ATP8B1: variants seen among roughly 807,000 people sequenced by gnomAD.
ATP8B1 encodes the protein ATPase phospholipid transporting 8B1, also known as phospholipid-transporting ATPase IC.
A neutral mutation model predicts 149.9 loss-of-function variants in ATP8B1; 80 were observed. The observed-to-expected ratio is 0.53, with a 90% confidence interval of 0.45 to 0.64. The LOEUF is 0.64. ATP8B1 is among the 30% of genes least tolerant of loss of function. The pLI, the probability that ATP8B1 is intolerant of heterozygous loss-of-function variation, is 0.00. For synonymous variants in ATP8B1, 536 were observed against 562.8 expected (o/e 0.95, Z 0.67); for missense variants, 1,247 against 1,552.6 (o/e 0.80, Z 3.31).
At chr18:57,659,700 G>A (rs1407678568) in intron 22 of ATP8B1, 1 of 150,266 alleles carries the variant, frequency 6.7e-6, no homozygotes, top group Non-Finnish European at 1.5e-5. Context: ...AACTGCTAGT[G>A]ACCACAGACA....
intron 1 of ATP8B1, among the ~76,000 whole-genome samples, chr18:57,761,157 C>T (rs1168274186): frequency 6.1e-5 from 8 of 131,586 alleles, no homozygotes; most frequent in Non-Finnish European, 1.4e-4. Context: ...AATAAAGAAG[C>T]CCTGAACTCA....
intron 1 of ATP8B1, chr18:57,740,536 A>G (rs1217367684): frequency 6.7e-6 from 1 of 149,866 alleles, no homozygotes; most frequent in Non-Finnish European, 1.5e-5. Context: ...TGAGTGTGGC[A>G]TACACATGAG....
rs765996573 is a variant in ATP8B1 at position 57,692,002 on chromosome 18, A to G, written c.1030-5T>C. ...CAGAATAAGAACAACAAAGATCTAG[A>G]AGACAGAAAACATTTAAATGCATTC... On this transcript the variant is annotated splice_polypyrimidine_tract_variant and splice_region_variant and intron_variant, in intron 11 of 27. Transcript: ENST00000648908. The G allele has an allele frequency of 1.2e-6, 2 of 1,610,022 alleles. No individual in the cohort carries two copies. Among genetic ancestry groups the G allele is most frequent in the South Asian group, 2.2e-5 (2 of 90,178 alleles).
Position 57,668,513 on chromosome 18 carries a change from T to TGCCTTCAATAGCTGTAGCTC in ATP8B1, c.2124_2125insGAGCTACAGCTATTGAAGGC (p.Lys709GlufsTer41). 6.6e-7 allele frequency: 1 copy of TGCCTTCAATAGCTGTAGCTC among 1,523,946 alleles called. No individual in the cohort carries two copies. The highest frequency in any genetic ancestry group is 2.4e-5 in the East Asian group (1 of 41,918). The allele number at this position is 1,523,946 out of a possible 1,614,324, so 94.4% of individuals were successfully genotyped here. On this transcript the variant is annotated frameshift_variant, in exon 19 of 28. Coordinates refer to ENST00000648908, the MANE Select transcript of ATP8B1 (RefSeq NM_001374385.1). LOFTEE classifies it high-confidence loss of function. ...GTTTCTGGAACTCCATCCTGTAGCT[T>TGCCTTCAATAGCTGTAGCTC]GTCTTCAATAGCTGTAGCTCCCAGG...
rs1322032849 is a variant in ATP8B1, at chr18:57,802,514, A to G, written c.-26+484T>C. On this transcript the variant is annotated intron_variant, in intron 1 of 27. Coordinates refer to ENST00000648908, the MANE Select transcript of ATP8B1 (RefSeq NM_001374385.1). This position sits in a 1 kb window ranked among gnomAD's most constrained non-coding sequence, Gnocchi z 4.9. ...CTCCCGGCAGGTGGGCCGCGGTCAG[A>G]TACGTTTGGCCCGCAAGTCCTTTTC... is the stretch of plus-strand genomic sequence containing the variant. Among the ~76,000 whole-genome samples the G allele has an allele frequency of 6.6e-6, 1 of 152,118 alleles. No individual in the cohort carries two copies. Among genetic ancestry groups the G allele is most frequent in the African/African-American group, 2.4e-5 (1 of 41,416 alleles).
Position 57,691,906 on chromosome 18 carries a change from T to C in ATP8B1, c.1121A>G (p.Tyr374Cys). 6.2e-7 allele frequency: 1 copy of C among 1,614,102 alleles called. No individual in the cohort carries two copies. The highest frequency in any genetic ancestry group is 8.5e-7 in the Non-Finnish European group (1 of 1,180,004). The part of the protein sequence containing the change: ...AQVGNSSWYL[Y>C]DGEDDTPSYR... ...GGAGGGTGTATCGTCTTCTCCATCA[T>C]AGAGGTACCAAGAGGAATTGCCCAC... Residue 374 changes from tyrosine (Y) to cysteine (C), a missense_variant, in exon 12 of 28, where the codon TAT becomes TGT. This residue lies in a region of ATP8B1 where 853 missense variants were observed against 1,035.7 expected (regional missense o/e 0.82). Transcript: ENST00000648908.
rs545694602 is a variant in ATP8B1, at chr18:57,704,567, A to G, written c.381T>C (p.Leu127=). ...CAAAGGGCATTACCTGTAAGATAAG[A>G]AGAGCCAGGAAATATAAATTGGCTG... The part of the protein sequence containing the change: ...KRAANLYFLA[L]LILQAVPQIS... Residue 127 remains leucine (L), a synonymous_variant, in exon 4 of 28, where the codon CTT becomes CTC. Coordinates refer to ENST00000648908, the MANE Select transcript of ATP8B1 (RefSeq NM_001374385.1). 2.0e-5 allele frequency: 32 copies of G among 1,591,952 alleles called. No homozygotes were observed. In the African/African-American group the frequency reaches 2.7e-4, roughly 13 times the overall value.
intron 2 of ATP8B1, 63 bp from the exon 3 acceptor site, chr18:57,706,650 G>C: frequency 7.6e-7 from 1 of 1,317,644 alleles, no homozygotes; most frequent in Non-Finnish European, 1.1e-6. Context: ...GAGTTGAATT[G>C]TGTCTTCCCC....
At chr18:57,749,876 G>A (rs781103651) in intron 1 of ATP8B1, among the ~76,000 whole-genome samples, 9 of 152,118 alleles carry the variant, frequency 5.9e-5, no homozygotes, top group African/African-American at 9.7e-5. Flanking sequence ...CCTAACTTCC[G>A]AGAGCTCTTT....
chr18:57,739,053 T>C (rs1002650126), intron 1 of ATP8B1, among the ~76,000 whole-genome samples: 24 of 152,176 alleles, frequency 1.6e-4, no homozygotes, highest in African/African-American at 5.8e-4. Flanking sequence ...TAGAGTGCAG[T>C]GGCATGATCT....
rs537196648 is a variant in ATP8B1 at position 57,760,165 on chromosome 18, A to C, written c.-25-28333T>G. 3.9e-5 allele frequency among the ~76,000 whole-genome samples: 6 copies of C among 152,318 alleles called. No homozygotes were observed. The South Asian group carries it at 1.0e-3, about 26-fold the overall frequency. ...AAGATCGGGGGGAAAAAATGACTAA[A>C]AATTATCCTCCCACATAGTGATTTT... On this transcript the variant is annotated intron_variant, in intron 1 of 27. Coordinates refer to ENST00000648908, the MANE Select transcript of ATP8B1 (RefSeq NM_001374385.1).
chr18:57,676,734 A>AG (rs1287984113), intron 15 of ATP8B1, among the ~76,000 whole-genome samples: 2 of 151,010 alleles, frequency 1.3e-5, no homozygotes, highest in Non-Finnish European at 1.5e-5. Context: ...AAAAAAAAAA[A>AG]AAAAGAAAGA....
At chr18:57,748,996 C>T (rs1374721733) in intron 1 of ATP8B1, among the ~76,000 whole-genome samples, 1 of 152,102 alleles carries the variant, frequency 6.6e-6, no homozygotes, top group African/African-American at 2.4e-5. Flanking sequence ...TAGAAGTATC[C>T]AACATGTATT....
At chr18:57,690,315 C>T (rs1364162783) in intron 12 of ATP8B1, among the ~76,000 whole-genome samples, 4 of 152,022 alleles carry the variant, frequency 2.6e-5, no homozygotes, top group South Asian at 2.1e-4. Context: ...AAGGTACGGG[C>T]GGAGTGGAAG....
chr18:57,732,481 A>C (rs1324866366), intron 1 of ATP8B1, among the ~76,000 whole-genome samples: 1 of 151,788 alleles, frequency 6.6e-6, no homozygotes, highest in Non-Finnish European at 1.5e-5. Context: ...AGATTACAGC[A>C]CATATAATAA....
chr18:57,675,423 CCTTTTTAAATT>C (rs1911533130), intron 15 of ATP8B1, among the ~76,000 whole-genome samples: 1 of 152,164 alleles, frequency 6.6e-6, no homozygotes, highest in South Asian at 2.1e-4. Context: ...TATTGCCATC[CCTTTTTAAATT>C]CTTTATAAAC....
At chr18:57,672,932 A>AC (rs1491183286) in intron 16 of ATP8B1, among the ~76,000 whole-genome samples, 5 of 32,100 alleles carry the variant, frequency 1.6e-4, no homozygotes, top group African/African-American at 3.9e-4. Flanking sequence ...ATATATATAT[A>AC]ACATGTATAT....
intron 2 of ATP8B1, among the ~76,000 whole-genome samples, chr18:57,707,500 T>C (rs942060922): frequency 2.6e-5 from 4 of 152,074 alleles, no homozygotes; most frequent in Middle Eastern, 3.2e-3. Flanking sequence ...GATGGGAATA[T>C]ATTAAAAGAC....
intron 2 of ATP8B1, among the ~76,000 whole-genome samples, chr18:57,713,439 G>A (rs1913833560): frequency 6.6e-6 from 1 of 150,602 alleles, no homozygotes; most frequent in Non-Finnish European, 1.5e-5. Flanking sequence ...TGGGATTACA[G>A]GCATGTACCA....
Sources: gnomAD v4.1 joint callset for allele counts (sites outside exome capture counted in the v4.1 genomes callset) on GRCh38, gnomAD v4.1.1 for gene constraint, gnomAD v4.1.1 regional missense constraint, Gnocchi (gnomAD v3.1) non-coding constraint, MANE v1.5 for transcripts, NCBI Gene and HGNC (gene_info 2026-07-23, HGNC 2026-07-21) for gene names.